The following ACBD5 variants were observed in gnomAD, a reference collection of about 807,000 sequenced individuals.
ACBD5 encodes the protein acyl-CoA binding domain containing 5.
A neutral mutation model predicts 71.8 loss-of-function variants in ACBD5; 40 were observed. The observed-to-expected ratio is 0.56, with a 90% CI of 0.43 to 0.72. The LOEUF is 0.72. ACBD5 is among the 30% of genes least tolerant of loss of function. The probability of loss-of-function intolerance (pLI) is 0.00; values close to 1 mark genes in which losing one functional copy is unlikely to be tolerated. For missense variants in ACBD5, 559 were observed against 644.5 expected (o/e 0.87, Z 1.44); for synonymous variants, 229 against 218.6 (o/e 1.05, Z -0.42).
In ACBD5 at chr10:27,216,924, A is replaced by G. The variant is rs1217553576; in HGVS notation, c.829+1056T>C. Among the ~76,000 whole-genome samples the G allele has an allele frequency of 4.6e-5, 7 of 152,058 alleles. No homozygotes were observed. In the East Asian group the frequency reaches 1.2e-3, roughly 25 times the overall value. On this transcript the variant is annotated intron_variant, in intron 7 of 12. Coordinates refer to ENST00000396271, the MANE Select transcript of ACBD5 (RefSeq NM_145698.5). Reference sequence around the variant, plus strand: ...CACTTTGGGAGGCAGAGGAGGGCAGATCACAAGGTCAGGAGATCGAGACCA... The same window carrying G: ...CACTTTGGGAGGCAGAGGAGGGCAGGTCACAAGGTCAGGAGATCGAGACCA...
intron 3 of ACBD5, among the ~76,000 whole-genome samples, chr10:27,234,742 G>A (rs1022053151): frequency 6.6e-6 from 1 of 152,132 alleles, no homozygotes. Flanking sequence ...GACCAGCGTG[G>A]CCAACATAGT....
At chr10:27,200,445 TTCTC>T (rs779783981) in intron 12 of ACBD5, among the ~76,000 whole-genome samples, 1 of 152,020 alleles carries the variant, frequency 6.6e-6, no homozygotes, top group Non-Finnish European at 1.5e-5. Context: ...ACTTTCTTTT[TTCTC>T]TCTTTTTTTT....
At chr10:27,186,245 C>T in intron 13 of ACBD5, 2 of 928,648 alleles carry the variant, frequency 2.2e-6, no homozygotes, top group Non-Finnish European at 3.4e-6. Flanking sequence ...AGACATTAAA[C>T]AAATGTCTGT....
At chr10:27,206,969 C>G (rs556039183) in intron 10 of ACBD5, among the ~76,000 whole-genome samples, 12 of 151,782 alleles carry the variant, frequency 7.9e-5, no homozygotes, top group African/African-American at 2.9e-4. Context: ...AATTTGCAGT[C>G]TGATTAATAA....
At chr10:27,211,473 G>A (rs559482473) in intron 8 of ACBD5, among the ~76,000 whole-genome samples, 52 of 151,912 alleles carry the variant, frequency 3.4e-4, no homozygotes, top group Non-Finnish European at 6.6e-4. Flanking sequence ...GGCACGCACC[G>A]CCATGCCTGG....
At chr10:27,235,025 G>C (rs1228049045) in intron 3 of ACBD5, 67 bp downstream of exon 3, 3 of 1,474,444 alleles carry the variant, frequency 2.0e-6, no homozygotes, top group Non-Finnish European at 2.8e-6. Context: ...AACCACTTAA[G>C]TAATAGCCAT....
intron 9 of ACBD5, among the ~76,000 whole-genome samples, chr10:27,209,604 T>C (rs1021998589): frequency 6.6e-6 from 1 of 152,218 alleles, no homozygotes; most frequent in Non-Finnish European, 1.5e-5. Flanking sequence ...ATTACAGAAG[T>C]GAGCCACCAC....
chr10:27,210,723 A>G, intron 9 of ACBD5, 91 bp downstream of exon 9: 1 of 1,567,208 alleles, frequency 6.4e-7, no homozygotes, highest in Admixed American at 1.7e-5. Context: ...GCACCACCGC[A>G]CACCAGCCTG....
At chr10:27,237,663 C>G (rs1238004238) in intron 2 of ACBD5, among the ~76,000 whole-genome samples, 3 of 144,956 alleles carry the variant, frequency 2.1e-5, no homozygotes, top group African/African-American at 5.0e-5. Context: ...TCTTGTCACC[C>G]AGGCTGGAGT....
chr10:27,199,841 A>C (rs1485871854), intron 12 of ACBD5, among the ~76,000 whole-genome samples: 1 of 152,080 alleles, frequency 6.6e-6, no homozygotes, highest in Non-Finnish European at 1.5e-5. Context: ...AATATAAACA[A>C]ATTAGCCGGG....
At chr10:27,223,072 T>C (rs939955392) in intron 5 of ACBD5, 3 of 651,376 alleles carry the variant, frequency 4.6e-6, no homozygotes, top group African/African-American at 1.8e-5. Flanking sequence ...TTATAATGTT[T>C]TGGAACTTCA....
At position 27,197,103 on chromosome 10, in the gene ACBD5, C is replaced by T. The variant is rs1246081627; in HGVS notation, c.*327G>A. The T allele has an allele frequency of 6.3e-6, 3 of 476,576 alleles. No individual in the cohort carries two copies. Among genetic ancestry groups the T allele is most frequent in the Admixed American group, 2.6e-5 (1 of 38,198 alleles). 29.5% of individuals were successfully genotyped at this position (476,576 alleles called of 1,614,324 possible). On this transcript the variant is annotated 3_prime_UTR_variant, in exon 13 of 13. Coordinates refer to ENST00000396271, the MANE Select transcript of ACBD5 (RefSeq NM_145698.5). ...TACCTTTGAAAAGCAGCTTATGTTA[C>T]TCTATGGAAGATAATCAGGTAAACA...
chr10:27,207,726 TTTAC>T (rs566115702), intron 10 of ACBD5, among the ~76,000 whole-genome samples: 70 of 152,254 alleles, frequency 4.6e-4, no homozygotes, highest in Non-Finnish European at 5.9e-4. Context: ...TATTTATTTA[TTTAC>T]TTACTTACTT....
intron 8 of ACBD5, among the ~76,000 whole-genome samples, chr10:27,211,956 G>A (rs938477349): frequency 3.3e-5 from 5 of 152,208 alleles, no homozygotes; most frequent in Non-Finnish European, 4.4e-5. Context: ...GGATGTACAA[G>A]TGGGGGTGGG....
chr10:27,230,757 A>T (rs2063740076), intron 4 of ACBD5, among the ~76,000 whole-genome samples: 1 of 138,716 alleles, frequency 7.2e-6, no homozygotes, highest in African/African-American at 2.7e-5. Flanking sequence ...AGATCATGCC[A>T]CTGCACTCCA....
chr10:27,199,547 C>T (rs1204150181), intron 12 of ACBD5, among the ~76,000 whole-genome samples: 1 of 152,124 alleles, frequency 6.6e-6, no homozygotes, highest in Non-Finnish European at 1.5e-5. Context: ...ATAAATTCTG[C>T]CTTTCCCTTC....
chr10:27,226,460 AC>A (rs1380989290), intron 4 of ACBD5, among the ~76,000 whole-genome samples: 1 of 145,918 alleles, frequency 6.9e-6, no homozygotes, highest in Non-Finnish European at 1.5e-5. Flanking sequence ...ACACACACAC[AC>A]ACACACACAC....
Position 27,219,722 on chromosome 10 carries a change from C to T in ACBD5, c.625+1G>A, listed in dbSNP as rs150476576. The T allele has an allele frequency of 3.1e-6, 5 of 1,613,674 alleles. No homozygotes were observed. The highest frequency in any genetic ancestry group is 3.4e-6 in the Non-Finnish European group (4 of 1,179,806). The stretch of plus-strand genomic sequence containing the variant: ...TTACTAACTGATTTTCCAAACATTA[C>T]CATTATCACTTTGTTCTGCTCCTTT... On this transcript the variant is annotated splice_donor_variant, in intron 6 of 12. Coordinates refer to ENST00000396271, the MANE Select transcript of ACBD5 (RefSeq NM_145698.5). LOFTEE classifies it high-confidence loss of function.
chr10:27,194,941 A>G (rs2059261373), downstream of ACBD5, among the ~76,000 whole-genome samples: 1 of 152,196 alleles, frequency 6.6e-6, no homozygotes, highest in African/African-American at 2.4e-5. Context: ...GGTTGCAGTG[A>G]GCCGAGATCA....
Sources: gnomAD v4.1 joint callset for allele counts (sites outside exome capture counted in the v4.1 genomes callset) on GRCh38, gnomAD v4.1.1 for gene constraint, MANE v1.5 for transcripts, NCBI Gene and HGNC (gene_info 2026-07-23, HGNC 2026-07-21) for gene names.